The following PDPR variants were observed in gnomAD, a reference collection of about 807,000 sequenced individuals.
PDPR encodes pyruvate dehydrogenase phosphatase regulatory subunit.
Under a neutral mutation model 102.2 loss-of-function variants are expected in PDPR, and 50 were observed. The ratio of observed to expected loss-of-function variants is 0.49; its 90% confidence interval spans 0.39 to 0.62. The LOEUF is 0.62. Ranked by LOEUF, PDPR falls within the 20% of genes least tolerant of loss-of-function variation. The pLI, the probability that PDPR is intolerant of heterozygous loss-of-function variation, is 0.00. For synonymous variants in PDPR, 259 were observed against 406.0 expected (o/e 0.64, Z 4.35); for missense variants, 625 against 1,098.2 (o/e 0.57, Z 6.09).
intron 17 of PDPR, among the ~76,000 whole-genome samples, 174 bp from the exon 18 acceptor site, chr16:70,153,217 C>A (rs1008364331): frequency 2.6e-5 from 4 of 152,284 alleles, no homozygotes; most frequent in Non-Finnish European, 5.9e-5. Context: ...GGGGTGACCC[C>A]AGCTCATCAC....
chr16:70,124,251 T>G (rs1174290026), intron 3 of PDPR, among the ~76,000 whole-genome samples: 1 of 152,224 alleles, frequency 6.6e-6, no homozygotes, highest in African/African-American at 2.4e-5. Flanking sequence ...TAATTGTAGC[T>G]ACTCAGGAGG....
Position 70,161,281 on chromosome 16 carries a change from C to CAAAAAAAAAAAAAAAAAAA in PDPR, c.*4403_*4421dup. 1 of 130,782 alleles carries CAAAAAAAAAAAAAAAAAAA rather than the reference C, an allele frequency of 7.6e-6. No homozygotes were observed. The highest frequency in any genetic ancestry group is 1.6e-5 in the Non-Finnish European group (1 of 61,820). 8.1% of individuals were successfully genotyped at this position (130,782 alleles called of 1,614,324 possible). ...GGGTAACAGAGTGAGACTCTTGTCT[C>CAAAAAAAAAAAAAAAAAAA]AAAAAAAAAAAAAAAAAAATCTAAG... On this transcript the variant is annotated 3_prime_UTR_variant, in exon 19 of 19. Transcript: ENST00000288050.
chr16:70,156,556 G>T lies in PDPR; in HGVS notation c.2317G>T (p.Asp773Tyr), dbSNP rs1403077148. The T allele has an allele frequency of 3.7e-6, 6 of 1,614,090 alleles. No individual in the cohort carries two copies. Among genetic ancestry groups the T allele is most frequent in the Non-Finnish European group, 5.1e-6 (6 of 1,179,906 alleles). ...VYKRLTMFIL[D>Y]DHDSDLDLWP... ...TAAACGCCTCACCATGTTCATCCTGGACGACCATGATTCAGACCTAGACCT... is the reference window on the plus strand; with the variant it reads ...TAAACGCCTCACCATGTTCATCCTGTACGACCATGATTCAGACCTAGACCT... Residue 773 changes from aspartate (D) to tyrosine (Y), a missense_variant, in exon 19 of 19, where the codon GAC (aspartate) becomes TAC (tyrosine). By Grantham distance (160) the Asp-to-Tyr change is radical (BLOSUM62 -3). Around this residue, in one of 11 missense-constraint regions of PDPR, gnomAD observed 303 missense variants for 258.9 expected, o/e 1.17. Coordinates refer to ENST00000288050, the MANE Select transcript of PDPR (RefSeq NM_017990.5).
intron 3 of PDPR, among the ~76,000 whole-genome samples, chr16:70,120,931 CTTTTTTTTTTTTTTT>C (rs71385643): frequency 1.9e-5 from 2 of 103,050 alleles, no homozygotes; most frequent in Admixed American, 1.2e-4. Flanking sequence ...TTTCGTTTTC[CTTTTTTTTTTTTTTT>C]TTTTTTTTTT....
chr16:70,152,201 T>C (rs1411188705), intron 17 of PDPR, among the ~76,000 whole-genome samples: 1 of 152,266 alleles, frequency 6.6e-6, no homozygotes, highest in Non-Finnish European at 1.5e-5. Context: ...TTGCATGCAA[T>C]AGCTTGGATT....
At chr16:70,139,688 C>T (rs1472337035) in intron 11 of PDPR, among the ~76,000 whole-genome samples, 6 of 152,228 alleles carry the variant, frequency 3.9e-5, no homozygotes, top group Admixed American at 1.3e-4. Flanking sequence ...CTAGGAAGCC[C>T]TTAGAAAGCT....
In PDPR at chr16:70,153,546, A is replaced by T. The variant is rs1966852520; in HGVS notation, c.2208A>T (p.Gly736=). 1 of 1,609,550 alleles carries T rather than the reference A, an allele frequency of 6.2e-7. No homozygotes were observed. The highest frequency in any genetic ancestry group is 8.5e-7 in the Non-Finnish European group (1 of 1,178,338). Residue 736 remains glycine (G), a synonymous_variant, in exon 18 of 19, where the codon GGA becomes GGT. Coordinates refer to ENST00000288050, the MANE Select transcript of PDPR (RefSeq NM_017990.5). ...INNLTTPLEC[G]RESRVKLEKG... is the part of the protein sequence containing the mutation. ...ACCTCACCACGCCCCTGGAATGTGGACGAGAGTCTCGGGTGAAATTAGAGA... is the reference window on the plus strand; with the variant it reads ...ACCTCACCACGCCCCTGGAATGTGGTCGAGAGTCTCGGGTGAAATTAGAGA...
intron 18 of PDPR, among the ~76,000 whole-genome samples, chr16:70,155,699 G>A (rs750737063): frequency 2.7e-4 from 41 of 151,958 alleles, no homozygotes; most frequent in African/African-American, 4.6e-4. Flanking sequence ...CATAATCACC[G>A]TTAATAGTTT....
intron 6 of PDPR, among the ~76,000 whole-genome samples, chr16:70,129,719 C>G (rs1273198180): frequency 6.6e-6 from 1 of 152,260 alleles, no homozygotes; most frequent in Non-Finnish European, 1.5e-5. Flanking sequence ...TGAAAACACA[C>G]CTTGGAAGTT....
In PDPR at chr16:70,144,943, C is replaced by T. The variant is rs1408199790; in HGVS notation, c.1867+410C>T. Among the ~76,000 whole-genome samples, 5 of 144,098 alleles carry T rather than the reference C, an allele frequency of 3.5e-5. No individual in the cohort carries two copies. In the South Asian group the frequency reaches 1.1e-3, roughly 32 times the overall value. The allele number at this position is 144,098 out of a possible 152,430, so 94.5% of individuals were successfully genotyped here. ...TGCACTCCAGCCTAGGCGAGTGAGACTCCATCTCAAAAAAAAAAAGAAAAT... is the reference window on the plus strand; with the variant it reads ...TGCACTCCAGCCTAGGCGAGTGAGATTCCATCTCAAAAAAAAAAAGAAAAT... On this transcript the variant is annotated intron_variant, in intron 15 of 18. Transcript: ENST00000288050.
intron 3 of PDPR, among the ~76,000 whole-genome samples, chr16:70,122,073 G>A (rs1445405157): frequency 1.3e-5 from 2 of 152,174 alleles, no homozygotes; most frequent in African/African-American, 2.4e-5. Context: ...TGCAACCTCC[G>A]CCTCCTGGGT....
chr16:70,131,046 CCTCCTTTGGTTCCCATGAG>C (rs1643278669), intron 7 of PDPR, among the ~76,000 whole-genome samples: 1 of 152,230 alleles, frequency 6.6e-6, no homozygotes, highest in Non-Finnish European at 1.5e-5. Flanking sequence ...ATCAAAAGGA[CCTCCTTTGGTTCCCATGAG>C]CTCCTTTGAC....
At chr16:70,163,123 A>G (rs1359905731), downstream of PDPR, among the ~76,000 whole-genome samples, 2 of 151,208 alleles carry the variant, frequency 1.3e-5, no homozygotes, top group Non-Finnish European at 2.9e-5. Context: ...TAATTTTTGT[A>G]TTTTCGTAGA....
intron 4 of PDPR, among the ~76,000 whole-genome samples, chr16:70,127,671 G>A (rs1476923285): frequency 2.6e-5 from 4 of 152,264 alleles, no homozygotes; most frequent in African/African-American, 9.6e-5. Context: ...TACTTCTTTT[G>A]AAAATAAGAT....
intron 18 of PDPR, among the ~76,000 whole-genome samples, chr16:70,154,051 C>T (rs1418716384): frequency 3.9e-5 from 6 of 152,216 alleles, no homozygotes; most frequent in Admixed American, 6.5e-5. Flanking sequence ...TGGTTGCGGG[C>T]GCCTATAGTC....
intron 1 of PDPR, 100 bp from the exon 2 acceptor site, chr16:70,114,721 G>A (rs1962462427): frequency 6.6e-6 from 1 of 152,382 alleles, no homozygotes; most frequent in Non-Finnish European, 1.5e-5. Flanking sequence ...CCGATGCCAG[G>A]GCGGCCGGGG....
Position 70,144,409 on chromosome 16 carries a change from C to T in PDPR, c.1755-12C>T, listed in dbSNP as rs1966039851. On this transcript the variant is annotated splice_polypyrimidine_tract_variant and intron_variant, in intron 14 of 18. Transcript: ENST00000288050. ...TACCTGGTTTTGATTATTTTGGGGT[C>T]TCACTTTTCAGTTTCTTCATGATCT... 1 of 571,806 alleles carries T rather than the reference C, an allele frequency of 1.7e-6. No homozygotes were observed. Among genetic ancestry groups the T allele is most frequent in the African/African-American group, 2.1e-5 (1 of 48,688 alleles). 35.4% of individuals were successfully genotyped at this position (571,806 alleles called of 1,614,324 possible). A position where few individuals can be genotyped will look rare whatever the true frequency, so the allele number is the denominator to read the frequency against.
rs1221670540 is a variant in PDPR, at chr16:70,162,127, T to C, written c.*5248T>C. 6.6e-6 allele frequency: 1 copy of C among 152,456 alleles called. No homozygotes were observed. The highest frequency in any genetic ancestry group is 1.5e-5 in the Non-Finnish European group (1 of 68,156). The allele number at this position is 152,456 out of a possible 1,614,324, so 9.4% of individuals were successfully genotyped here. A position where few individuals can be genotyped will look rare whatever the true frequency, so the allele number is the denominator to read the frequency against. On this transcript the variant is annotated 3_prime_UTR_variant, in exon 19 of 19. Transcript: ENST00000288050. The stretch of plus-strand genomic sequence containing the variant: ...CCATCCGCCCCACATAGCCTCTCCT[T>C]CTTCGGAACAATGGGCGTGGGGTAG...
Position 70,156,510 on chromosome 16 carries a change from G to A in PDPR, c.2271G>A (p.Gln757=), listed in dbSNP as rs1359257495. The A allele has an allele frequency of 1.9e-6, 3 of 1,613,978 alleles. No individual in the cohort carries two copies. The highest frequency in any genetic ancestry group is 2.5e-6 in the Non-Finnish European group (3 of 1,179,816). Reference sequence around the variant, plus strand: ...TCATTGGTCGCGACGCCCTCCTGCAGCAGAAGCAGAATGGAGTGTATAAAC... The same window carrying A: ...TCATTGGTCGCGACGCCCTCCTGCAACAGAAGCAGAATGGAGTGTATAAAC... ...MDFIGRDALL[Q]QKQNGVYKRL... Residue 757 remains glutamine (Q), a synonymous_variant, in exon 19 of 19, where the codon CAG becomes CAA. Coordinates refer to ENST00000288050, the MANE Select transcript of PDPR (RefSeq NM_017990.5).
Sources: allele counts gnomAD v4.1 joint callset (sites outside exome capture counted in the v4.1 genomes callset), GRCh38; gene constraint gnomAD v4.1.1; regional missense constraint gnomAD v4.1.1; transcripts MANE v1.5; gene names NCBI Gene and HGNC (gene_info 2026-07-23, HGNC 2026-07-21).